GPHN: variants seen among roughly 807,000 people sequenced by gnomAD.
GPHN encodes gephyrin.
Under a neutral mutation model 95.5 loss-of-function variants are expected in GPHN, and 17 were observed. The observed-to-expected ratio is 0.18, with a 90% CI of 0.12 to 0.27. The LOEUF (loss-of-function observed/expected upper bound fraction) is 0.27. Ranked by LOEUF, GPHN falls within the 10% of genes least tolerant of loss-of-function variation. GPHN has a pLI of 1.00. For missense variants in GPHN, 660 were observed against 978.1 expected (o/e 0.67, Z 4.34); for synonymous variants, 320 against 322.5 (o/e 0.99, Z 0.08).
the GPHN span, chr14:67,647,974 T>G: frequency 4.2e-6 from 6 of 1,421,946 alleles, no homozygotes; most frequent in South Asian, 6.4e-5. Context: ...GTTGCAACCA[T>G]AAGAAGGATG....
At chr14:66,983,902 A>G (rs567779143) in intron 9 of GPHN, among the ~76,000 whole-genome samples, 1 of 152,260 alleles carries the variant, frequency 6.6e-6, no homozygotes, top group East Asian at 1.9e-4. Context: ...TTTCCATCCC[A>G]TATATTTTCA....
At chr14:67,657,598 GCACACACA>G in the GPHN span, among the ~76,000 whole-genome samples, 1 of 112,372 alleles carries the variant, frequency 8.9e-6, no homozygotes, top group African/African-American at 3.5e-5. Flanking sequence ...GCGCGCGCGT[GCACACACA>G]CACACACACA....
chr14:67,699,297 C>G, the GPHN span, among the ~76,000 whole-genome samples: 5 of 151,480 alleles, frequency 3.3e-5, no homozygotes, highest in Non-Finnish European at 7.4e-5. Context: ...TGGCTCATCC[C>G]TGTAATCCCA....
At chr14:67,348,125 A>C in the GPHN span, among the ~76,000 whole-genome samples, 2 of 150,244 alleles carry the variant, frequency 1.3e-5, no homozygotes, top group South Asian at 4.2e-4. Context: ...CCTGGGCTGG[A>C]GTACAATGGC....
At chr14:67,038,776 A>G (rs1215820085) in intron 10 of GPHN, among the ~76,000 whole-genome samples, 1 of 152,082 alleles carries the variant, frequency 6.6e-6, no homozygotes, top group Non-Finnish European at 1.5e-5. Context: ...CCTTTCCTCC[A>G]AATTATTCCT....
At chr14:66,564,088 T>C (rs1363191167) in intron 1 of GPHN, among the ~76,000 whole-genome samples, 1 of 152,146 alleles carries the variant, frequency 6.6e-6, no homozygotes, top group African/African-American at 2.4e-5. Context: ...ATCTGGGGAA[T>C]TGATAGCTAT....
chr14:66,875,739 C>T (rs1182439519), intron 4 of GPHN, among the ~76,000 whole-genome samples: 1 of 152,068 alleles, frequency 6.6e-6, no homozygotes, highest in Non-Finnish European at 1.5e-5. Flanking sequence ...ACAGGAGCAC[C>T]CAGATTCATA....
chr14:67,449,350 T>C, the GPHN span, among the ~76,000 whole-genome samples: 29 of 152,312 alleles, frequency 1.9e-4, 1 homozygote, highest in Admixed American at 1.0e-3. Context: ...GCCTCTGCCC[T>C]CTCAGAGCCC....
At chr14:67,321,448 A>G in the GPHN span, among the ~76,000 whole-genome samples, 1 of 152,212 alleles carries the variant, frequency 6.6e-6, no homozygotes, top group Non-Finnish European at 1.5e-5. Flanking sequence ...GAGGGAAAAC[A>G]TATACATACT....
intron 1 of GPHN, among the ~76,000 whole-genome samples, chr14:66,659,379 A>G (rs1245195225): frequency 1.3e-5 from 2 of 152,050 alleles, no homozygotes; most frequent in Admixed American, 6.6e-5. Flanking sequence ...CTATATTGAA[A>G]TAAGTTCTGC....
chr14:66,846,701 G>C (rs1378234735), intron 4 of GPHN, among the ~76,000 whole-genome samples: 2 of 152,104 alleles, frequency 1.3e-5, no homozygotes, highest in Non-Finnish European at 1.5e-5. Context: ...AGCATTCAGT[G>C]ACAGGTTAGT....
intron 3 of GPHN, among the ~76,000 whole-genome samples, chr14:66,787,814 C>T (rs1296875127): frequency 1.3e-5 from 2 of 148,212 alleles, no homozygotes; most frequent in Non-Finnish European, 3.0e-5. Flanking sequence ...TGCTTTATTA[C>T]AAAATTATTT....
At chr14:67,042,289 A>G (rs2074750443) in intron 10 of GPHN, among the ~76,000 whole-genome samples, 1 of 152,184 alleles carries the variant, frequency 6.6e-6, no homozygotes, top group Admixed American at 6.5e-5. Context: ...TGTTTTAGAC[A>G]TGAAGTCTTT....
chr14:67,223,629 C>A, the GPHN span: 1 of 727,444 alleles, frequency 1.4e-6, no homozygotes, highest in Non-Finnish European at 1.7e-6. Flanking sequence ...GGTGGCACAA[C>A]TTACAAAATG....
the GPHN span, among the ~76,000 whole-genome samples, chr14:67,709,353 A>G: frequency 6.6e-6 from 1 of 152,220 alleles, no homozygotes; most frequent in Non-Finnish European, 1.5e-5. Context: ...AGCCAATTAA[A>G]TTCATTTTTC....
intron 8 of GPHN, among the ~76,000 whole-genome samples, chr14:66,960,691 T>G (rs959675073): frequency 1.3e-5 from 2 of 152,114 alleles, no homozygotes; most frequent in African/African-American, 2.4e-5. Context: ...AGCCAGGCAA[T>G]TTACAGCTCT....
At chr14:67,644,389 T>A in the GPHN span, among the ~76,000 whole-genome samples, 1 of 152,202 alleles carries the variant, frequency 6.6e-6, no homozygotes, top group Non-Finnish European at 1.5e-5. Flanking sequence ...GTCACACAGC[T>A]CTTCCAGGAC....
At chr14:67,024,702 G>A (rs954895592) in intron 10 of GPHN, among the ~76,000 whole-genome samples, 10 of 152,130 alleles carry the variant, frequency 6.6e-5, no homozygotes, top group Non-Finnish European at 1.5e-5. Flanking sequence ...TCTCCCAGCA[G>A]CAATGTATGA....
the GPHN span, among the ~76,000 whole-genome samples, chr14:67,699,534 G>A: frequency 6.9e-6 from 1 of 144,534 alleles, no homozygotes; most frequent in South Asian, 2.2e-4. Context: ...AGGCTGCAGT[G>A]AGCTGTGATT....
Sources: gnomAD v4.1 joint callset for allele counts (sites outside exome capture counted in the v4.1 genomes callset) on GRCh38, gnomAD v4.1.1 for gene constraint, MANE v1.5 for transcripts, NCBI Gene and HGNC (gene_info 2026-07-23, HGNC 2026-07-21) for gene names.